The following COBLL1 variants were observed in gnomAD, a reference collection of about 807,000 sequenced individuals.
The protein encoded by COBLL1 is cordon-bleu protein-like 1.
A neutral mutation model predicts 94.8 loss-of-function variants in COBLL1; 50 were observed. The observed-to-expected ratio is 0.53, with a 90% CI of 0.42 to 0.67. The LOEUF (loss-of-function observed/expected upper bound fraction) is 0.67. Among genes scored for constraint, COBLL1 ranks in the 30% least tolerant of loss-of-function variants. The pLI is 0.00. For synonymous variants in COBLL1, 448 were observed against 473.8 expected, an observed-to-expected ratio of 0.95 and a Z score of 0.71; for missense variants, 1,362 against 1,348.7, an observed-to-expected ratio of 1.01 and a Z score of -0.15.
intron 7 of COBLL1, among the ~76,000 whole-genome samples, chr2:164,709,363 G>C (rs974480010): frequency 6.6e-6 from 1 of 152,066 alleles, no homozygotes; most frequent in Non-Finnish European, 1.5e-5. Context: ...TTGTGCATGG[G>C]TATCATGATG....
chr2:164,765,873 C>T lies in COBLL1; in HGVS notation c.42-21998G>A, dbSNP rs182762449. ...GGCTATCTGGAAGATCTCTGAAGTT[C>T]TTTTCATTCTAATATTTCTTATTTG... On this transcript the variant is annotated intron_variant, in intron 2 of 13. Transcript: ENST00000652658. 5.2e-3 allele frequency among the ~76,000 whole-genome samples: 792 copies of T among 152,206 alleles called. 12 individuals carry two copies. The highest frequency in any genetic ancestry group is 0.018 in the African/African-American group (731 of 41,532).
chr2:164,703,045 C>T (rs1289294772), intron 9 of COBLL1: 5 of 936,776 alleles, frequency 5.3e-6, no homozygotes, highest in African/African-American at 1.7e-5. Flanking sequence ...AATTTACAGT[C>T]GATGATATCT....
chr2:164,746,548 C>CA (rs1369334383), intron 2 of COBLL1, among the ~76,000 whole-genome samples: 1 of 152,004 alleles, frequency 6.6e-6, no homozygotes, highest in African/African-American at 2.4e-5. Flanking sequence ...TTGAAAATAT[C>CA]AGTCAAAATG....
At chr2:164,825,360 C>T (rs1446580937) in intron 2 of COBLL1, among the ~76,000 whole-genome samples, 1 of 152,108 alleles carries the variant, frequency 6.6e-6, no homozygotes, top group Non-Finnish European at 1.5e-5. Context: ...CACCCTGATG[C>T]TTAAGAAACT....
chr2:164,809,361 C>T (rs1684347315), intron 2 of COBLL1, among the ~76,000 whole-genome samples: 1 of 151,964 alleles, frequency 6.6e-6, no homozygotes, highest in African/African-American at 2.4e-5. Context: ...CTACATGTAA[C>T]AAAATGTCCC....
Position 164,735,052 on chromosome 2 carries a change from A to C in COBLL1, c.231-4937T>G, listed in dbSNP as rs530475982. 2.0e-5 allele frequency among the ~76,000 whole-genome samples: 3 copies of C among 152,294 alleles called. 1 individual carries two copies. The highest frequency in any genetic ancestry group is 7.2e-5 in the African/African-American group (3 of 41,570). Reference sequence around the variant, plus strand: ...ACAGGGGTTCAGGCCAGCCTTACTTAGATCTTAAGCAGCAGAGTGACCTCA... The same window carrying C: ...ACAGGGGTTCAGGCCAGCCTTACTTCGATCTTAAGCAGCAGAGTGACCTCA... On this transcript the variant is annotated intron_variant, in intron 3 of 13. Transcript: ENST00000652658.
intron 2 of COBLL1, among the ~76,000 whole-genome samples, chr2:164,805,305 C>A (rs905247454): frequency 1.1e-4 from 3 of 28,234 alleles, no homozygotes; most frequent in African/African-American, 5.2e-4. Flanking sequence ...CTCTCTCTCT[C>A]TCTCTCTCTC....
chr2:164,693,109 G>A (rs1443250509), intron 12 of COBLL1, among the ~76,000 whole-genome samples: 3 of 152,014 alleles, frequency 2.0e-5, no homozygotes, highest in Admixed American at 6.6e-5. Flanking sequence ...TGCCAAATAC[G>A]TATCTTTACC....
At chr2:164,798,445 T>C (rs926641001) in intron 2 of COBLL1, among the ~76,000 whole-genome samples, 8 of 152,192 alleles carry the variant, frequency 5.3e-5, no homozygotes, top group African/African-American at 1.9e-4. Flanking sequence ...ACAAAGAGAT[T>C]ACTCTGACGT....
In COBLL1 at chr2:164,798,897, G is replaced by A. The variant is rs183152595; in HGVS notation, c.41+42259C>T. ...TAGCCGGGCAAGGTGGCGCACGTCTGTAGTCCCAGATACTCGGGAGGCTGA... is the reference window on the plus strand; with the variant it reads ...TAGCCGGGCAAGGTGGCGCACGTCTATAGTCCCAGATACTCGGGAGGCTGA... On this transcript the variant is annotated intron_variant, in intron 2 of 13. Transcript: ENST00000652658. Among the ~76,000 whole-genome samples the A allele has an allele frequency of 1.9e-4, 29 of 151,850 alleles. 1 individual carries two copies. The Middle Eastern group carries it at 0.01, about 55-fold the overall frequency.
At chr2:164,665,200 G>A (rs1377746476) in intron 2 of COBLL1, among the ~76,000 whole-genome samples, 3 of 151,788 alleles carry the variant, frequency 2.0e-5, no homozygotes, top group Non-Finnish European at 2.9e-5. Flanking sequence ...GTGTGGTGGC[G>A]GGCGCCTGTA....
chr2:164,708,409 C>T (rs756672507), intron 7 of COBLL1, among the ~76,000 whole-genome samples: 1 of 151,962 alleles, frequency 6.6e-6, no homozygotes, highest in African/African-American at 2.4e-5. Flanking sequence ...AACAAGGGCC[C>T]GCTGCAACAA....
chr2:164,705,236 T>A (rs1389143178), intron 7 of COBLL1, 131 bp from the exon 8 acceptor site: 1 of 608,416 alleles, frequency 1.6e-6, no homozygotes, highest in Non-Finnish European at 2.5e-6. Context: ...TAAAAACGTT[T>A]ATGAAGCATC....
chr2:164,801,438 C>CAAAAAAAAAAA lies in COBLL1; in HGVS notation c.41+39707_41+39717dup, dbSNP rs143505097. Among the ~76,000 whole-genome samples the CAAAAAAAAAAA allele has an allele frequency of 4.3e-4, 12 of 28,208 alleles. 1 individual carries two copies. The highest frequency in any genetic ancestry group is 1.5e-3 in the African/African-American group (12 of 7,998). The allele number at this position is 28,208 out of a possible 152,430, so 18.5% of individuals were successfully genotyped here. On this transcript the variant is annotated intron_variant, in intron 2 of 13. Transcript: ENST00000652658. ...TGGGCGACAGAGCGAGACTCCGTCTCAAAAAAAAAAAAAAAAAAAAAAAAA... is the reference window on the plus strand; with the variant it reads ...TGGGCGACAGAGCGAGACTCCGTCTCAAAAAAAAAAAAAAAAAAAAAAAAAAAAAAAAAAAA...
chr2:164,688,292 T>C (rs997415992), intron 13 of COBLL1, among the ~76,000 whole-genome samples: 7 of 152,184 alleles, frequency 4.6e-5, no homozygotes, highest in African/African-American at 1.7e-4. Flanking sequence ...ATCAATAGAA[T>C]ACTAGTTTAC....
At chr2:164,842,067 C>T (rs1416439305), upstream of COBLL1, 6 of 1,457,590 alleles carry the variant, frequency 4.1e-6, no homozygotes, top group Non-Finnish European at 5.6e-6. Context: ...AGCAGCGAGC[C>T]GGAGAGAGGA....
chr2:164,687,402 G>T, intron 13 of COBLL1: 1 of 869,982 alleles, frequency 1.1e-6, no homozygotes, highest in Non-Finnish European at 1.9e-6. Flanking sequence ...CATTGAACTT[G>T]GTGAAGCCCC....
chr2:164,753,631 A>G (rs1048179172), intron 2 of COBLL1, among the ~76,000 whole-genome samples: 1 of 152,016 alleles, frequency 6.6e-6, no homozygotes, highest in Admixed American at 6.6e-5. Context: ...AGTGTGACTG[A>G]GGGACTACAG....
intron 2 of COBLL1, among the ~76,000 whole-genome samples, chr2:164,757,619 G>A (rs994097465): frequency 2.0e-5 from 3 of 152,022 alleles, no homozygotes; most frequent in African/African-American, 7.2e-5. Context: ...CACAGACCAA[G>A]ATATGGGATG....
Sources: gnomAD v4.1 joint callset for allele counts (sites outside exome capture counted in the v4.1 genomes callset) on GRCh38, gnomAD v4.1.1 for gene constraint, MANE v1.5 for transcripts, NCBI Gene and HGNC (gene_info 2026-07-23, HGNC 2026-07-21) for gene names.